The following DAO variants were observed in gnomAD, a reference collection of about 807,000 sequenced individuals.
DAO encodes the protein D-amino-acid oxidase.
Under a neutral mutation model 50.1 loss-of-function variants are expected in DAO, and 51 were observed. The observed-to-expected ratio is 1.02, with a 90% CI of 0.81 to 1.29. The LOEUF is 1.29. DAO is among the 50% of genes most tolerant of loss of function. The probability of loss-of-function intolerance (pLI) is 0.00; values close to 1 mark genes in which losing one functional copy is unlikely to be tolerated. For missense variants in DAO, 436 were observed against 439.4 expected (o/e 0.99, Z 0.07); for synonymous variants, 160 against 166.2 (o/e 0.96, Z 0.29).
At chr12:108,890,145 C>A in intron 4 of DAO, 63 bp from the exon 5 acceptor site, 2 of 1,396,098 alleles carry the variant, frequency 1.4e-6, no homozygotes, top group Non-Finnish European at 2.0e-6. Flanking sequence ...CTCCATTTCA[C>A]AGCCTTCAAA....
intron 5 of DAO, 56 bp downstream of exon 5, chr12:108,890,329 G>A: frequency 1.4e-6 from 2 of 1,392,078 alleles, no homozygotes. Context: ...AAGTTGTAGT[G>A]GAAGATGGTT....
At chr12:108,883,158 T>G (rs2039398667) in intron 1 of DAO, among the ~76,000 whole-genome samples, 1 of 151,946 alleles carries the variant, frequency 6.6e-6, no homozygotes. Context: ...CTCCTCTTTT[T>G]TTTTTTGAGG....
chr12:108,887,606 G>C (rs2039449385), intron 3 of DAO, 42 bp downstream of exon 3: 1 of 1,459,104 alleles, frequency 6.9e-7, no homozygotes, highest in Non-Finnish European at 9.6e-7. Context: ...AGCACCCAGG[G>C]CTGGGGTAGT....
chr12:108,898,540 T>C, intron 8 of DAO, 139 bp from the exon 9 acceptor site: 1 of 760,028 alleles, frequency 1.3e-6, no homozygotes, highest in Non-Finnish European at 2.5e-6. Flanking sequence ...TCGTTGTTGG[T>C]GTTGATGGTG....
At chr12:108,883,400 C>G (rs1385812349) in intron 1 of DAO, among the ~76,000 whole-genome samples, 1 of 152,240 alleles carries the variant, frequency 6.6e-6, no homozygotes, top group African/African-American at 2.4e-5. Flanking sequence ...CCCGCCTCGG[C>G]CTCCCGAGGT....
intron 7 of DAO, among the ~76,000 whole-genome samples, chr12:108,895,950 C>T (rs536926342): frequency 2.0e-4 from 31 of 151,752 alleles, no homozygotes; most frequent in African/African-American, 7.5e-4. Flanking sequence ...AGGGCGCACC[C>T]AGGAAAAACG....
rs2039420006 is a variant in DAO at position 108,885,045 on chromosome 12, G to C, written c.39G>C (p.Leu13=). 8 of 1,614,036 alleles carry C rather than the reference G, an allele frequency of 5.0e-6. No homozygotes were observed. Among genetic ancestry groups the C allele is most frequent in the African/African-American group, 2.7e-5 (2 of 74,902 alleles). ...VVVIGAGVIG[L]STALCIHERY... ...TGATTGGAGCAGGAGTCATCGGGCT[G>C]TCCACCGCCCTCTGCATCCATGAGC... Residue 13 remains leucine (L), a synonymous_variant, in exon 2 of 11, where the codon CTG becomes CTC. Coordinates refer to ENST00000228476, the MANE Select transcript of DAO (RefSeq NM_001917.5).
At chr12:108,887,397 T>A (rs548571642) in intron 2 of DAO, 53 bp from the exon 3 acceptor site, 1 of 1,374,642 alleles carries the variant, frequency 7.3e-7, no homozygotes, top group African/African-American at 1.4e-5. Flanking sequence ...TGACCTAAGG[T>A]TTTTTGCCCA....
chr12:108,894,469 G>C (rs1422036217), intron 7 of DAO, 102 bp downstream of exon 7: 2 of 998,358 alleles, frequency 2.0e-6, no homozygotes, highest in Non-Finnish European at 3.1e-6. Context: ...ACATCTGTTA[G>C]AGGAACCCCC....
chr12:108,891,738 A>G (rs1324521885), intron 5 of DAO, among the ~76,000 whole-genome samples: 1 of 152,032 alleles, frequency 6.6e-6, no homozygotes, highest in Non-Finnish European at 1.5e-5. Flanking sequence ...AGCTGGGACC[A>G]CATGCATGTG....
Position 108,898,783 on chromosome 12 carries a change from A to C in DAO, c.800A>C (p.Glu267Ala). ...ATTTGGGAAGGCTGCTGCAGACTGG[A>C]GCCCACACTGAAGGTAAGGTAGGGA... ...NTIWEGCCRL[E>A]PTLKNARIIG... is the part of the protein sequence containing the mutation. The change falls in exon 9 of 11, where the codon GAG becomes GCG. Residue 267 changes from glutamate to alanine, a missense_variant. By Grantham distance (107) the Glu-to-Ala change is moderately radical (BLOSUM62 -1). Transcript: ENST00000228476. 6.2e-7 allele frequency: 1 copy of C among 1,613,138 alleles called. No individual in the cohort carries two copies. Among genetic ancestry groups the C allele is most frequent in the Non-Finnish European group, 8.5e-7 (1 of 1,179,070 alleles).
chr12:108,896,965 C>T (rs1180324940), intron 7 of DAO, 41 bp from the exon 8 acceptor site: 17 of 1,499,898 alleles, frequency 1.1e-5, no homozygotes, highest in Non-Finnish European at 1.5e-5. Flanking sequence ...GCCACATTGA[C>T]TCACCTCCGC....
Position 108,900,555 on chromosome 12 carries a change from C to T in DAO, c.*20C>T. 2.5e-6 allele frequency: 4 copies of T among 1,613,398 alleles called. No homozygotes were observed. Among genetic ancestry groups the T allele is most frequent in the Non-Finnish European group, 3.4e-6 (4 of 1,179,646 alleles). On this transcript the variant is annotated 3_prime_UTR_variant, in exon 11 of 11. Coordinates refer to ENST00000228476, the MANE Select transcript of DAO (RefSeq NM_001917.5). ...CTCTGAAGACTCCAGTGACTGCTGC[C>T]TCCCCCCACAAGAACTCCCTTCTCC...
rs147976893 is a variant in DAO, at chr12:108,888,542, C to T, written c.310-927C>T. Among the ~76,000 whole-genome samples the T allele has an allele frequency of 1.1e-4, 17 of 152,180 alleles. No homozygotes were observed. In the East Asian group the frequency reaches 2.1e-3, roughly 19 times the overall value. The stretch of plus-strand genomic sequence containing the variant: ...AGAGATGGGGTTTCACTATGACGGC[C>T]GGGCTGGTCTCGAACTCCTGACCTC... On this transcript the variant is annotated intron_variant, in intron 3 of 10. Transcript: ENST00000228476.
chr12:108,893,811 C>T (rs887607761), intron 6 of DAO, among the ~76,000 whole-genome samples: 1 of 152,086 alleles, frequency 6.6e-6, no homozygotes, highest in Non-Finnish European at 1.5e-5. Flanking sequence ...GGGGTTCCAA[C>T]GTGTCTTCTG....
chr12:108,883,683 A>G (rs989430662), intron 1 of DAO: 2 of 456,210 alleles, frequency 4.4e-6, no homozygotes, highest in Non-Finnish European at 8.8e-6. Context: ...AAGAGGGAAG[A>G]GAGAAGACCA....
intron 6 of DAO, among the ~76,000 whole-genome samples, chr12:108,893,296 G>A (rs1421918635): frequency 6.6e-6 from 1 of 152,186 alleles, no homozygotes; most frequent in Admixed American, 6.5e-5. Flanking sequence ...TTTGGGTCTA[G>A]AGAGCTGGCC....
intron 1 of DAO, among the ~76,000 whole-genome samples, chr12:108,884,170 G>A (rs552828666): frequency 1.3e-5 from 2 of 152,384 alleles, no homozygotes; most frequent in South Asian, 4.1e-4. Flanking sequence ...AAGTTCTGAG[G>A]CCAGACACTG....
At chr12:108,891,449 CAAAA>C (rs35572480) in intron 5 of DAO, among the ~76,000 whole-genome samples, 2 of 111,984 alleles carry the variant, frequency 1.8e-5, no homozygotes, top group Admixed American at 1.7e-4. Context: ...GACCCTGTCT[CAAAA>C]AAAAAAAAAA....
Sources: gnomAD v4.1 joint callset for allele counts (sites outside exome capture counted in the v4.1 genomes callset) on GRCh38, gnomAD v4.1.1 for gene constraint, MANE v1.5 for transcripts, NCBI Gene and HGNC (gene_info 2026-07-23, HGNC 2026-07-21) for gene names.